Variants in KPNB1 observed in about 807,000 individuals in gnomAD.
KPNB1 encodes importin subunit beta-1.
KPNB1 carries 7 observed loss-of-function variants against 113.0 expected under a neutral mutation model. That is an observed-to-expected ratio of 0.06 (90% CI 0.04 to 0.12). The LOEUF (loss-of-function observed/expected upper bound fraction) is 0.12, where lower values mean the gene tolerates loss of function less well. Among genes scored for constraint, KPNB1 ranks in the 10% least tolerant of loss-of-function variants. The pLI is 1.00. For missense variants in KPNB1, 400 were observed against 1,054.8 expected, an observed-to-expected ratio of 0.38 and a Z score of 8.60; for synonymous variants, 363 against 378.6, an observed-to-expected ratio of 0.96 and a Z score of 0.48.
chr17:47,666,542 T>C (rs994639651), intron 9 of KPNB1, among the ~76,000 whole-genome samples: 2 of 107,842 alleles, frequency 1.9e-5, no homozygotes, highest in Non-Finnish European at 2.1e-5. Context: ...TTATATATTA[T>C]ATATTATATA....
chr17:47,650,462 G>A lies in KPNB1; in HGVS notation c.99+18G>A. ...AGAACCTGGTGCGTGCTACCCCGCCGCGCCCATCCCGCCGCGTCCCCATCC... is the reference window on the plus strand; with the variant it reads ...AGAACCTGGTGCGTGCTACCCCGCCACGCCCATCCCGCCGCGTCCCCATCC... On this transcript the variant is annotated intron_variant, in intron 2 of 21. Transcript: ENST00000290158. The A allele has an allele frequency of 6.3e-7, 1 of 1,594,536 alleles. No homozygotes were observed. The highest frequency in any genetic ancestry group is 8.5e-7 in the Non-Finnish European group (1 of 1,172,446).
rs780082469 is a variant in KPNB1 at position 47,661,133 on chromosome 17, T to C, written c.651T>C (p.Phe217=). Residue 217 remains phenylalanine (F), a synonymous_variant, in exon 6 of 22, where the codon TTT becomes TTC. Transcript: ENST00000290158. ...TCCTCCTACAGTCTGAAAGGCACTT[T>C]ATTATGCAGGTGGTCTGTGAAGCCA... ...ANFDKESERH[F]IMQVVCEATQ... is the part of the protein sequence containing the mutation. 6.2e-7 allele frequency: 1 copy of C among 1,613,196 alleles called. No homozygotes were observed. The highest frequency in any genetic ancestry group is 8.5e-7 in the Non-Finnish European group (1 of 1,179,116).
rs967192998 is a variant in KPNB1 at position 47,650,240 on chromosome 17, C to T, written c.-5C>T. The T allele has an allele frequency of 1.3e-6, 2 of 1,583,542 alleles. No individual in the cohort carries two copies. The highest frequency in any genetic ancestry group is 1.7e-6 in the Non-Finnish European group (2 of 1,168,360). On this transcript the variant is annotated 5_prime_UTR_variant, in exon 1 of 22. Coordinates refer to ENST00000290158, the MANE Select transcript of KPNB1 (RefSeq NM_002265.6). The stretch of plus-strand genomic sequence containing the variant: ...GGAGGAGTCGCCGCCGCCGCCACCT[C>T]CGCCATGGAGCTGATCACCATTCTC...
chr17:47,664,178 A>G lies in KPNB1; in HGVS notation c.806A>G (p.Lys269Arg). The G allele has an allele frequency of 1.2e-6, 2 of 1,612,768 alleles. No homozygotes were observed. Among genetic ancestry groups the G allele is most frequent in the East Asian group, 2.2e-5 (1 of 44,862 alleles). ...CTTAAGATCACAATCGAAGCAATGA[A>G]AAGTGACATTGATGAGGTGGCTTTA... The part of the protein sequence containing the change: ...ALFAITIEAM[K>R]SDIDEVALQG... The change falls in exon 8 of 22, where the codon AAA (lysine) becomes AGA (arginine). Residue 269 changes from lysine (K) to arginine (R), a missense_variant. Lys to Arg is a conservative substitution (Grantham distance 26). Coordinates refer to ENST00000290158, the MANE Select transcript of KPNB1 (RefSeq NM_002265.6).
chr17:47,667,526 A>G (rs1366082749), intron 9 of KPNB1, among the ~76,000 whole-genome samples: 2 of 147,634 alleles, frequency 1.4e-5, no homozygotes, highest in Admixed American at 1.3e-4. Flanking sequence ...ATTTTTGTTG[A>G]TTTTGGACTT....
intron 3 of KPNB1, among the ~76,000 whole-genome samples, chr17:47,653,181 C>T (rs913226815): frequency 6.6e-6 from 1 of 150,918 alleles, no homozygotes; most frequent in Non-Finnish European, 1.5e-5. Context: ...ATTGGTGCTA[C>T]ATTTGTATAA....
At chr17:47,660,518 T>C (rs2030061711) in intron 5 of KPNB1, among the ~76,000 whole-genome samples, 1 of 152,242 alleles carries the variant, frequency 6.6e-6, no homozygotes, top group African/African-American at 2.4e-5. Context: ...TTTCTGTATA[T>C]ATGTTTGTTG....
At position 47,657,004 on chromosome 17, in the gene KPNB1, A is replaced by G. The variant is rs758241181; in HGVS notation, c.427A>G (p.Thr143Ala). 7 of 1,614,096 alleles carry G rather than the reference A, an allele frequency of 4.3e-6. No individual in the cohort carries two copies. The African/African-American group carries it at 5.3e-5, about 12-fold the overall frequency. ...LVANVTNPNS[T>A]EHMKESTLEA... ...GGCCAATGTCACAAACCCCAACAGCACAGAGCACATGAAGGAGTCGACATT... is the reference window on the plus strand; with the variant it reads ...GGCCAATGTCACAAACCCCAACAGCGCAGAGCACATGAAGGAGTCGACATT... Residue 143 changes from threonine to alanine, a missense_variant, in exon 4 of 22, where the codon ACA becomes GCA. Physicochemically the swap from Thr to Ala is moderately conservative, Grantham distance 58. Transcript: ENST00000290158.
At chr17:47,652,968 A>T in intron 3 of KPNB1, 92 bp downstream of exon 3, 2 of 930,304 alleles carry the variant, frequency 2.1e-6, no homozygotes, top group Non-Finnish European at 3.1e-6. Flanking sequence ...TAGAGCTAAC[A>T]GTGTGATAGG....
rs780032580 is a variant in KPNB1 at position 47,673,578 on chromosome 17, T to C, written c.1767+17T>C. Reference sequence around the variant, plus strand: ...ACTCTTCAGGTATGGTGGTGCCTTATGACTTAATAACTCCAGGTTGGAGAA... The same window carrying C: ...ACTCTTCAGGTATGGTGGTGCCTTACGACTTAATAACTCCAGGTTGGAGAA... On this transcript the variant is annotated intron_variant, in intron 14 of 21. Coordinates refer to ENST00000290158, the MANE Select transcript of KPNB1 (RefSeq NM_002265.6). 1.3e-5 allele frequency: 21 copies of C among 1,580,244 alleles called. No individual in the cohort carries two copies. The highest frequency in any genetic ancestry group is 1.7e-5 in the Non-Finnish European group (19 of 1,149,432).
intron 6 of KPNB1, among the ~76,000 whole-genome samples, chr17:47,662,554 C>T (rs1597927905): frequency 6.8e-6 from 1 of 147,086 alleles, no homozygotes; most frequent in Non-Finnish European, 1.5e-5. Context: ...TGCACCAGGG[C>T]GACAGAGCAA....
chr17:47,657,163 G>A lies in KPNB1; in HGVS notation c.483+103G>A, dbSNP rs546961408. 1.7e-5 allele frequency: 16 copies of A among 965,400 alleles called. No homozygotes were observed. In the South Asian group the frequency reaches 2.3e-4, roughly 14 times the overall value. The allele number at this position is 965,400 out of a possible 1,614,324, so 59.8% of individuals were successfully genotyped here. ...CTTATTGAATCACGAAGAAAGCCAA[G>A]CTAAATTGCACAGTTTTGAAAGTGA... On this transcript the variant is annotated intron_variant, in intron 4 of 21. Coordinates refer to ENST00000290158, the MANE Select transcript of KPNB1 (RefSeq NM_002265.6).
intron 17 of KPNB1, 31 bp downstream of exon 17, chr17:47,677,158 GTCT>G (rs767028103): frequency 1.2e-5 from 18 of 1,467,588 alleles, no homozygotes; most frequent in Admixed American, 1.2e-4. Flanking sequence ...TAATTAACCA[GTCT>G]TCTTTGAAGA....
In KPNB1 at chr17:47,650,134, A is replaced by ACCCCCC; in HGVS notation, c.-107_-106insCCCCCC. 1.0e-5 allele frequency: 2 copies of ACCCCCC among 196,776 alleles called. No homozygotes were observed. The highest frequency in any genetic ancestry group is 6.6e-6 in the Non-Finnish European group (1 of 150,956). 12.2% of individuals were successfully genotyped at this position (196,776 alleles called of 1,614,324 possible). A position where few individuals can be genotyped will look rare whatever the true frequency, so the allele number is the denominator to read the frequency against. On this transcript the variant is annotated 5_prime_UTR_variant, in exon 1 of 22. Transcript: ENST00000290158. ...GGGTTTGTGGTGACCCCCGCCCCCCACCCCACCCTCCCTTCCCACCCGACC... is the reference window on the plus strand; with the variant it reads ...GGGTTTGTGGTGACCCCCGCCCCCCACCCCCCCCCCACCCTCCCTTCCCACCCGACC...
At chr17:47,657,158 G>A in intron 4 of KPNB1, 98 bp downstream of exon 4, 1 of 1,043,512 alleles carries the variant, frequency 9.6e-7, no homozygotes, top group South Asian at 1.4e-5. Flanking sequence ...CACGAAGAAA[G>A]CCAAGCTAAA....
intron 6 of KPNB1, 66 bp from the exon 7 acceptor site, chr17:47,663,023 G>A (rs1163406646): frequency 7.0e-6 from 6 of 852,182 alleles, no homozygotes; most frequent in Non-Finnish European, 1.2e-5. Flanking sequence ...GCCCATTTGA[G>A]TGAATCTAAC....
intron 11 of KPNB1, among the ~76,000 whole-genome samples, chr17:47,670,070 C>T (rs2030402486): frequency 6.6e-6 from 1 of 152,208 alleles, no homozygotes; most frequent in African/African-American, 2.4e-5. Context: ...GGTTCCTGAA[C>T]CACTTAGAAC....
Position 47,682,498 on chromosome 17 carries a change from A to G in KPNB1, c.*94A>G, listed in dbSNP as rs1271733131. On this transcript the variant is annotated 3_prime_UTR_variant, in exon 22 of 22. Coordinates refer to ENST00000290158, the MANE Select transcript of KPNB1 (RefSeq NM_002265.6). ...AGTGAGGAGTGTGCACGGATGCTGAATGTTTGGGAATGAGAGGATGAGTGA... is the reference window on the plus strand; with the variant it reads ...AGTGAGGAGTGTGCACGGATGCTGAGTGTTTGGGAATGAGAGGATGAGTGA... 2.6e-6 allele frequency: 2 copies of G among 771,128 alleles called. No individual in the cohort carries two copies. The highest frequency in any genetic ancestry group is 4.8e-6 in the Non-Finnish European group (2 of 414,542). The allele number at this position is 771,128 out of a possible 1,614,324, so 47.8% of individuals were successfully genotyped here.
In KPNB1 at chr17:47,670,800, C is replaced by T; in HGVS notation, c.1515C>T (p.Leu505=). Residue 505 remains leucine (L), a synonymous_variant, in exon 12 of 22, where the codon CTC becomes CTT. Transcript: ENST00000290158. The part of the protein sequence containing the change: ...ATYCLSSSFE[L]IVQKLLETTD... ...ACTGCTTATCTTCTTCATTTGAACT[C>T]ATAGTTCAGAAGCTCCTAGAGACTA... 1.2e-6 allele frequency: 2 copies of T among 1,611,678 alleles called. No homozygotes were observed. The highest frequency in any genetic ancestry group is 4.5e-5 in the East Asian group (2 of 44,854).
Sources: allele counts gnomAD v4.1 joint callset (sites outside exome capture counted in the v4.1 genomes callset), GRCh38; gene constraint gnomAD v4.1.1; transcripts MANE v1.5; gene names NCBI Gene and HGNC (gene_info 2026-07-23, HGNC 2026-07-21).